Variants in MORC1 observed in about 807,000 individuals in gnomAD.
MORC1 encodes MORC family CW-type zinc finger 1.
In MORC1, 59 loss-of-function variants were observed where a neutral mutation model predicts 134.9. That is an observed-to-expected ratio of 0.44 (90% CI 0.35 to 0.54). MORC1 has a LOEUF of 0.54. Among genes scored for constraint, MORC1 ranks in the 20% least tolerant of loss-of-function variants. MORC1 has a pLI of 0.00. For missense variants in MORC1, 947 were observed against 1,134.5 expected (o/e 0.83, Z 2.37); for synonymous variants, 395 against 391.7 (o/e 1.01, Z -0.10).
At position 109,062,115 on chromosome 3, in the gene MORC1, G is replaced by C; in HGVS notation, c.896-57C>G. 5 of 1,496,870 alleles carry C rather than the reference G, an allele frequency of 3.3e-6. No homozygotes were observed. In the South Asian group the frequency reaches 5.6e-5, roughly 17 times the overall value. 92.7% of individuals were successfully genotyped at this position (1,496,870 alleles called of 1,614,324 possible). Reference sequence around the variant, plus strand: ...GCAAAATTATTTCAAGCAATTTTAAGTGAGTATTTTCTATACATGTAGCAT... The same window carrying C: ...GCAAAATTATTTCAAGCAATTTTAACTGAGTATTTTCTATACATGTAGCAT... On this transcript the variant is annotated intron_variant, in intron 10 of 27. Transcript: ENST00000232603.
intron 14 of MORC1, among the ~76,000 whole-genome samples, chr3:109,048,797 G>A (rs1949754104): frequency 6.6e-6 from 1 of 151,664 alleles, no homozygotes; most frequent in Admixed American, 6.6e-5. Flanking sequence ...TTCTTATGAG[G>A]ACACTAGTCA....
chr3:108,961,313 T>C (rs1440396761), intron 27 of MORC1, among the ~76,000 whole-genome samples: 1 of 152,222 alleles, frequency 6.6e-6, no homozygotes, highest in African/African-American at 2.4e-5. Flanking sequence ...TGGGACACTG[T>C]TCCTACAGAT....
intron 14 of MORC1, among the ~76,000 whole-genome samples, chr3:109,045,342 G>C (rs1559916937): frequency 6.6e-6 from 1 of 151,958 alleles, no homozygotes; most frequent in African/African-American, 2.4e-5. Flanking sequence ...TAAAGCTAAT[G>C]TAACAGCCAG....
At chr3:109,096,971 T>C (rs1211516529) in intron 6 of MORC1, among the ~76,000 whole-genome samples, 3 of 151,312 alleles carry the variant, frequency 2.0e-5, no homozygotes, top group Non-Finnish European at 4.4e-5. Context: ...AAAACAGGAG[T>C]TACAAAAGGA....
At chr3:109,038,913 C>T (rs934370392) in intron 14 of MORC1, among the ~76,000 whole-genome samples, 3 of 152,086 alleles carry the variant, frequency 2.0e-5, no homozygotes, top group Admixed American at 1.3e-4. Flanking sequence ...ATTGTCTTGG[C>T]TATACAGGCT....
chr3:109,114,592 C>T (rs776580298), intron 1 of MORC1, among the ~76,000 whole-genome samples, 155 bp from the exon 2 acceptor site: 12 of 152,256 alleles, frequency 7.9e-5, no homozygotes, highest in Admixed American at 2.0e-4. Context: ...GGTCAAGATT[C>T]GGAACTAGAT....
chr3:109,031,396 A>C (rs1467013248), intron 16 of MORC1, among the ~76,000 whole-genome samples: 1 of 152,226 alleles, frequency 6.6e-6, no homozygotes, highest in Non-Finnish European at 1.5e-5. Context: ...TTTCACAGCT[A>C]ATAGAACCAG....
At chr3:108,960,634 A>T (rs1443498840) in intron 27 of MORC1, among the ~76,000 whole-genome samples, 1 of 152,168 alleles carries the variant, frequency 6.6e-6, no homozygotes, top group Admixed American at 6.5e-5. Context: ...AAGTTAGCCA[A>T]AGCTTTCACA....
chr3:109,022,595 A>G (rs1360752954), intron 17 of MORC1, among the ~76,000 whole-genome samples: 1 of 152,248 alleles, frequency 6.6e-6, no homozygotes. Flanking sequence ...TGAAATCCAA[A>G]TGCAGTCTCT....
At chr3:108,973,594 G>GTTTTTTT (rs1559863612) in intron 24 of MORC1, among the ~76,000 whole-genome samples, 1 of 123,396 alleles carries the variant, frequency 8.1e-6, no homozygotes, top group African/African-American at 2.9e-5. Flanking sequence ...GCTTTGTTTT[G>GTTTTTTT]GTTTTTTTTT....
chr3:109,020,333 G>A lies in MORC1; in HGVS notation c.1704+7418C>T, dbSNP rs566744812. Among the ~76,000 whole-genome samples the A allele has an allele frequency of 2.2e-4, 33 of 152,182 alleles. 1 individual carries two copies. The highest frequency in any genetic ancestry group is 1.4e-3 in the Admixed American group (22 of 15,284). ...TGTGAAGCAAAGTTCATGGACTAAC[G>A]TCAGTTAGTTCTTCAGGACTCAATG... On this transcript the variant is annotated intron_variant, in intron 17 of 27. Transcript: ENST00000232603.
chr3:108,959,137 A>T lies in MORC1; in HGVS notation c.2800-17T>A. 1 of 1,570,320 alleles carries T rather than the reference A, an allele frequency of 6.4e-7. No homozygotes were observed. The highest frequency in any genetic ancestry group is 2.4e-5 in the East Asian group (1 of 42,072). On this transcript the variant is annotated splice_polypyrimidine_tract_variant and intron_variant, in intron 27 of 27. Transcript: ENST00000232603. ...TGGACCACCCTGGAAAAGAGAAGCA[A>T]CAGTCACACCAGGGAAAGAAGCTGC...
chr3:108,982,695 G>A (rs1199782592), intron 23 of MORC1, among the ~76,000 whole-genome samples: 1 of 143,864 alleles, frequency 7.0e-6, no homozygotes. Flanking sequence ...AAACCCACAC[G>A]TTGTGCACAT....
chr3:108,985,610 G>C (rs1448497509), intron 22 of MORC1, among the ~76,000 whole-genome samples: 1 of 152,108 alleles, frequency 6.6e-6, no homozygotes, highest in African/African-American at 2.4e-5. Flanking sequence ...AGGCACCATT[G>C]GTTTTACTCA....
chr3:108,961,116 T>C (rs777041692), intron 27 of MORC1, among the ~76,000 whole-genome samples: 10 of 152,214 alleles, frequency 6.6e-5, no homozygotes, highest in Non-Finnish European at 1.3e-4. Context: ...ACTCTCCAAC[T>C]GAACGAACAG....
At chr3:109,058,833 AC>A (rs1391395465) in intron 12 of MORC1, among the ~76,000 whole-genome samples, 12 of 143,654 alleles carry the variant, frequency 8.4e-5, no homozygotes, top group South Asian at 2.3e-4. Context: ...ATTAAAAAAA[AC>A]CCAGCATTTT....
intron 1 of MORC1, among the ~76,000 whole-genome samples, chr3:109,116,671 T>C (rs1951281654): frequency 6.6e-6 from 1 of 152,092 alleles, no homozygotes; most frequent in South Asian, 2.1e-4. Flanking sequence ...TCCCAGCTAC[T>C]CGGAAGGCTG....
chr3:109,078,635 T>C (rs1010684573), intron 8 of MORC1, among the ~76,000 whole-genome samples: 1 of 151,184 alleles, frequency 6.6e-6, no homozygotes, highest in Non-Finnish European at 1.5e-5. Flanking sequence ...CTCAAGGAAG[T>C]AGAAAAAGAA....
At chr3:109,077,175 G>A (rs1950439748) in intron 8 of MORC1, among the ~76,000 whole-genome samples, 1 of 151,954 alleles carries the variant, frequency 6.6e-6, no homozygotes, top group Non-Finnish European at 1.5e-5. Flanking sequence ...ATATTGAAGT[G>A]GAAGGGAAAA....
Sources: gnomAD v4.1 joint callset for allele counts (sites outside exome capture counted in the v4.1 genomes callset) on GRCh38, gnomAD v4.1.1 for gene constraint, MANE v1.5 for transcripts, NCBI Gene and HGNC (gene_info 2026-07-23, HGNC 2026-07-21) for gene names.